Variants in DACH2 observed in about 807,000 individuals in gnomAD.
DACH2 encodes the protein dachshund family transcription factor 2, also known as dachshund homolog 2.
DACH2 carries 17 observed loss-of-function variants against 35.8 expected under a neutral mutation model. That is an observed-to-expected ratio of 0.48 (90% CI 0.33 to 0.71). The LOEUF (loss-of-function observed/expected upper bound fraction) is 0.71. Among genes scored for constraint, DACH2 ranks in the 30% least tolerant of loss-of-function variants. The pLI is 0.02. For missense variants in DACH2, 469 were observed against 472.7 expected, an observed-to-expected ratio of 0.99 and a Z score of 0.07; for synonymous variants, 195 against 177.3, an observed-to-expected ratio of 1.10 and a Z score of -0.79.
chrX:86,819,567 A>G (rs1430857046), intron 11 of DACH2, among the ~76,000 whole-genome samples: 1 of 112,151 alleles, frequency 8.9e-6, no homozygotes, highest in Non-Finnish European at 1.9e-5. Context: ...ACCATTAGCT[A>G]ACAAAGTAAT....
intron 2 of DACH2, among the ~76,000 whole-genome samples, chrX:86,468,741 A>G (rs2037713901): frequency 8.9e-6 from 1 of 111,794 alleles, no homozygotes; most frequent in Admixed American, 9.6e-5. Context: ...TCAAAGTTCA[A>G]CAAAGCCTAT....
At chrX:86,481,859 G>C (rs770478643) in intron 2 of DACH2, 25 of 111,987 alleles carry the variant, frequency 2.2e-4, no homozygotes, top group Non-Finnish European at 4.7e-4. Flanking sequence ...TGACTTTTTT[G>C]ATCAATTTTC....
chrX:86,391,282 TAAAAAAAAAAAAAAAAAAAAAAAAAAAA>T lies in DACH2; in HGVS notation c.527+14433_527+14460del, dbSNP rs55941702. 7.3e-3 allele frequency among the ~76,000 whole-genome samples: 157 copies of T among 21,428 alleles called. 2 individuals are homozygous for T. The highest frequency in any genetic ancestry group is 0.027 in the African/African-American group (148 of 5,544). The allele number at this position is 21,428 out of a possible 115,157, so 18.6% of individuals were successfully genotyped here. ...TGGGTGACAGAGTGAGGCTCTGTCT[TAAAAAAAAAAAAAAAAAAAAAAAAAAAA>T]AAAAAAAAAAAAGACTGGTTTCTCG... On this transcript the variant is annotated intron_variant, in intron 2 of 11. Transcript: ENST00000373125.
intron 1 of DACH2, among the ~76,000 whole-genome samples, chrX:86,364,592 G>A (rs751382686): frequency 9.0e-6 from 1 of 111,403 alleles, no homozygotes; most frequent in Non-Finnish European, 1.9e-5. Context: ...GTGAGGAGAA[G>A]CATGATGTGA....
At chrX:86,265,940 T>C (rs2033703738) in intron 1 of DACH2, among the ~76,000 whole-genome samples, 1 of 111,504 alleles carries the variant, frequency 9.0e-6, no homozygotes. Flanking sequence ...AGATAATACG[T>C]ATGTGCATGT....
intron 1 of DACH2, among the ~76,000 whole-genome samples, chrX:86,169,563 A>G (rs73512034): frequency 9.1e-6 from 1 of 110,049 alleles, no homozygotes; most frequent in African/African-American, 3.3e-5. Flanking sequence ...TCCAGTAGGT[A>G]TGCTTCATTG....
At chrX:86,363,687 T>C (rs1369949805) in intron 1 of DACH2, among the ~76,000 whole-genome samples, 2 of 111,197 alleles carry the variant, frequency 1.8e-5, no homozygotes, top group African/African-American at 3.3e-5. Context: ...TATATTTTCT[T>C]CTGAAAAATC....
intron 1 of DACH2, among the ~76,000 whole-genome samples, chrX:86,259,786 A>C (rs1400640973): frequency 6.3e-5 from 7 of 111,915 alleles, no homozygotes; most frequent in Non-Finnish European, 1.3e-4. Flanking sequence ...AGCTTTAAAC[A>C]AATCTTTTTT....
At chrX:86,536,323 A>G (rs1392479574) in intron 3 of DACH2, among the ~76,000 whole-genome samples, 2 of 106,038 alleles carry the variant, frequency 1.9e-5, no homozygotes, top group Non-Finnish European at 3.9e-5. Flanking sequence ...TCCTCTCAAC[A>G]TGATGTAACA....
At chrX:86,782,974 G>A (rs1181548782) in intron 7 of DACH2, among the ~76,000 whole-genome samples, 2 of 111,366 alleles carry the variant, frequency 1.8e-5, no homozygotes, top group African/African-American at 3.3e-5. Context: ...AAAGTGAAGC[G>A]ACATCCCACA....
chrX:86,584,326 G>T (rs1176320116), intron 3 of DACH2, among the ~76,000 whole-genome samples: 1 of 110,356 alleles, frequency 9.1e-6, no homozygotes, highest in Non-Finnish European at 1.9e-5. Context: ...GGGTGTTTAA[G>T]ATATTCCCTC....
At chrX:86,480,604 C>G (rs2037922683) in intron 2 of DACH2, among the ~76,000 whole-genome samples, 1 of 111,961 alleles carries the variant, frequency 8.9e-6, no homozygotes, top group Non-Finnish European at 1.9e-5. Flanking sequence ...GTACATAAAC[C>G]CCATTCCAAA....
At chrX:86,828,991 A>G (rs1325007570) in intron 11 of DACH2, 1 of 112,134 alleles carries the variant, frequency 8.9e-6, no homozygotes, top group Non-Finnish European at 1.9e-5. Context: ...CAAAAAGCCA[A>G]CTGAGTTTTT....
chrX:86,453,280 A>T (rs1037370899), intron 2 of DACH2, among the ~76,000 whole-genome samples: 3 of 112,159 alleles, frequency 2.7e-5, no homozygotes, highest in African/African-American at 6.5e-5. Context: ...TTAGAAGAAT[A>T]CTGTATATTT....
chrX:86,163,332 G>A (rs547569575), intron 1 of DACH2, among the ~76,000 whole-genome samples: 57 of 111,158 alleles, frequency 5.1e-4, no homozygotes, highest in African/African-American at 1.9e-3. Flanking sequence ...ATTTCACTTC[G>A]CATAATGATC....
At chrX:86,336,210 CT>C (rs2035306828) in intron 1 of DACH2, among the ~76,000 whole-genome samples, 1 of 112,095 alleles carries the variant, frequency 8.9e-6, no homozygotes, top group African/African-American at 3.2e-5. Context: ...CTGAAATTTT[CT>C]TTTTGTGTGT....
intron 1 of DACH2, among the ~76,000 whole-genome samples, chrX:86,375,192 T>C (rs1219347698): frequency 9.3e-6 from 1 of 107,572 alleles, no homozygotes; most frequent in African/African-American, 3.4e-5. Flanking sequence ...AGTTAACTCA[T>C]GGGTGTTTAT....
chrX:86,366,290 T>C (rs898886242), intron 1 of DACH2, among the ~76,000 whole-genome samples: 1 of 110,907 alleles, frequency 9.0e-6, no homozygotes, highest in African/African-American at 3.3e-5. Context: ...TCCATTTACT[T>C]TTATCTAAGG....
At chrX:86,728,581 C>T (rs905778582) in intron 6 of DACH2, among the ~76,000 whole-genome samples, 2 of 112,561 alleles carry the variant, frequency 1.8e-5, no homozygotes, top group Admixed American at 9.3e-5. Flanking sequence ...CAGCCCCTCC[C>T]ATCACAAGCC....
Sources: allele counts gnomAD v4.1 joint callset (sites outside exome capture counted in the v4.1 genomes callset), GRCh38; gene constraint gnomAD v4.1.1; transcripts MANE v1.5; gene names NCBI Gene and HGNC (gene_info 2026-07-23, HGNC 2026-07-21).